ADARB2: variants seen among roughly 807,000 people sequenced by gnomAD.
The protein encoded by ADARB2 is inactive double-stranded RNA-specific editase B2.
A neutral mutation model predicts 62.2 loss-of-function variants in ADARB2; 25 were observed. The observed-to-expected ratio is 0.40, with a 90% CI of 0.29 to 0.56. The LOEUF (loss-of-function observed/expected upper bound fraction) is 0.56, where lower values mean the gene tolerates loss of function less well. Ranked by LOEUF, ADARB2 falls within the 20% of genes least tolerant of loss-of-function variation. ADARB2 has a pLI of 0.43. For missense variants in ADARB2, 1,071 were observed against 1,077.4 expected (o/e 0.99, Z 0.08); for synonymous variants, 572 against 500.8 (o/e 1.14, Z -1.90).
In ADARB2 at chr10:1,327,005, C is replaced by CCAGCGCCTCCCCACGGCA. The variant is rs1564258019; in HGVS notation, c.1077+36005_1077+36022dup. On this transcript the variant is annotated intron_variant, in intron 3 of 9. Coordinates refer to ENST00000381312, the MANE Select transcript of ADARB2 (RefSeq NM_018702.4). Reference sequence around the variant, plus strand: ...CCACGGCCCAGCGCCTCCCCACTGCCCAGCGCCTCCCCACGGCACAGCGCC... The same window carrying CCAGCGCCTCCCCACGGCA: ...CCACGGCCCAGCGCCTCCCCACTGCCCAGCGCCTCCCCACGGCACAGCGCCTCCCCACGGCACAGCGCC... 1.9e-3 allele frequency among the ~76,000 whole-genome samples: 10 copies of CCAGCGCCTCCCCACGGCA among 5,328 alleles called. 2 individuals are homozygous for CCAGCGCCTCCCCACGGCA. In the South Asian group the frequency reaches 0.025, roughly 14 times the overall value. The allele number at this position is 5,328 out of a possible 152,430, so 3.5% of individuals were successfully genotyped here. A position where few individuals can be genotyped will look rare whatever the true frequency, so the allele number is the denominator to read the frequency against.
intron 1 of ADARB2, among the ~76,000 whole-genome samples, chr10:1,595,150 G>T (rs2676186): frequency 0.11 from 16,516 of 152,248 alleles, 978 homozygotes; most frequent in East Asian, 0.17. Flanking sequence ...CATAGCCGAG[G>T]TTCCTCCGCA....
At chr10:1,335,877 C>T (rs12267630) in intron 3 of ADARB2, among the ~76,000 whole-genome samples, 355 of 152,282 alleles carry the variant, frequency 2.3e-3, no homozygotes, top group African/African-American at 7.7e-3. Context: ...GTTACAGACC[C>T]GCTGCAATCC....
rs1432310126 is a variant in ADARB2 at position 1,695,719 on chromosome 10, T to C, written c.100+41332A>G. On this transcript the variant is annotated intron_variant, in intron 1 of 9. Transcript: ENST00000381312. ...GTGTGCATGTATGCAAACATACATG[T>C]ATGTGAGACCATGCATGTGTATGTA... 5.3e-5 allele frequency among the ~76,000 whole-genome samples: 8 copies of C among 152,044 alleles called. No homozygotes were observed. In the South Asian group the frequency reaches 8.3e-4, roughly 16 times the overall value.
intron 6 of ADARB2, among the ~76,000 whole-genome samples, chr10:1,228,051 A>C (rs904618136): frequency 5.3e-5 from 8 of 152,240 alleles, no homozygotes; most frequent in Admixed American, 6.5e-5. Flanking sequence ...AATCTGAAGC[A>C]GGAATTTAAG....
chr10:1,641,964 G>C (rs1268405574), intron 1 of ADARB2, among the ~76,000 whole-genome samples: 1 of 152,138 alleles, frequency 6.6e-6, no homozygotes, highest in Admixed American at 6.5e-5. Context: ...AGTGAGCCGA[G>C]ATGGTGCCAC....
chr10:1,429,498 A>G (rs1386264251), intron 1 of ADARB2, among the ~76,000 whole-genome samples: 1 of 152,248 alleles, frequency 6.6e-6, no homozygotes, highest in East Asian at 1.9e-4. Flanking sequence ...ATTAGCCTAT[A>G]GATTTGGGCC....
chr10:1,179,209 C>A lies in ADARB2; in HGVS notation c.*3984G>T, dbSNP rs199703770. The A allele has an allele frequency of 2.8e-3, 409 of 145,724 alleles. 1 individual carries two copies. The highest frequency in any genetic ancestry group is 9.1e-3 in the African/African-American group (364 of 40,170). 9.0% of individuals were successfully genotyped at this position (145,724 alleles called of 1,614,324 possible). A position where few individuals can be genotyped will look rare whatever the true frequency, so the allele number is the denominator to read the frequency against. On this transcript the variant is annotated 3_prime_UTR_variant, in exon 10 of 10. Transcript: ENST00000381312. ...CTCCAGACGTGATAAACATTATATC[C>A]AAAAAAAAAAGCATGCGACTTTGTT...
At chr10:1,272,545 G>A (rs549674425) in intron 3 of ADARB2, among the ~76,000 whole-genome samples, 20 of 152,304 alleles carry the variant, frequency 1.3e-4, no homozygotes, top group Admixed American at 4.6e-4. Context: ...TGCTCACCCC[G>A]GGGTTTGAGG....
At position 1,557,084 on chromosome 10, in the gene ADARB2, A is replaced by G. The variant is rs760847573; in HGVS notation, c.101-177924T>C. On this transcript the variant is annotated intron_variant, in intron 1 of 9. Transcript: ENST00000381312. ...CTCAGTTTAAGCATCCCACTGTCCG[A>G]GGGTACCTCTTTCCTTCCATTGCCT... 5.8e-4 allele frequency: 202 copies of G among 349,158 alleles called. 1 individual carries two copies. The highest frequency in any genetic ancestry group is 1.0e-3 in the South Asian group (47 of 45,822). 21.6% of individuals were successfully genotyped at this position (349,158 alleles called of 1,614,324 possible). A position where few individuals can be genotyped will look rare whatever the true frequency, so the allele number is the denominator to read the frequency against.
intron 6 of ADARB2, among the ~76,000 whole-genome samples, chr10:1,233,173 G>A (rs527965110): frequency 3.2e-4 from 48 of 152,168 alleles, no homozygotes; most frequent in Non-Finnish European, 6.5e-4. Context: ...AGGGGCAGGG[G>A]CTGCGTGGAT....
intron 3 of ADARB2, among the ~76,000 whole-genome samples, chr10:1,304,244 C>G (rs926971981): frequency 2.6e-5 from 4 of 151,784 alleles, no homozygotes; most frequent in African/African-American, 9.7e-5. Context: ...GATAAAACAG[C>G]CTTTAAACCA....
intron 1 of ADARB2, among the ~76,000 whole-genome samples, chr10:1,687,029 C>CT (rs397952487): frequency 0.1 from 13,425 of 128,922 alleles, 1,047 homozygotes; most frequent in Non-Finnish European, 0.12. Context: ...ATGACATTGC[C>CT]TTTTTTTTTT....
At chr10:1,465,103 C>T (rs11250543) in intron 1 of ADARB2, among the ~76,000 whole-genome samples, 6,866 of 152,320 alleles carry the variant, frequency 0.045, 187 homozygotes, top group Non-Finnish European at 0.071. Flanking sequence ...ACTCAAGACA[C>T]GTCCTGCTCG....
At chr10:1,270,822 G>A (rs1379674136) in intron 4 of ADARB2, 133 bp downstream of exon 4, 18 of 751,024 alleles carry the variant, frequency 2.4e-5, no homozygotes, top group African/African-American at 2.3e-4. Flanking sequence ...CTCTGTATAT[G>A]CTATAATATT....
At chr10:1,474,438 C>T (rs1368342880) in intron 1 of ADARB2, among the ~76,000 whole-genome samples, 1 of 152,184 alleles carries the variant, frequency 6.6e-6, no homozygotes, top group Non-Finnish European at 1.5e-5. Context: ...TTCAGAAAGA[C>T]TGATGGACAC....
At chr10:1,446,822 C>A (rs1219279950) in intron 1 of ADARB2, among the ~76,000 whole-genome samples, 1 of 152,170 alleles carries the variant, frequency 6.6e-6, no homozygotes, top group Non-Finnish European at 1.5e-5. Flanking sequence ...TGAACATATT[C>A]AACGATTTCT....
At chr10:1,186,024 G>C (rs1387032314) in intron 8 of ADARB2, among the ~76,000 whole-genome samples, 1 of 152,224 alleles carries the variant, frequency 6.6e-6, no homozygotes, top group African/African-American at 2.4e-5. Flanking sequence ...GGAAACTCCA[G>C]GGGGCACCTG....
At chr10:1,324,481 G>A (rs941622726) in intron 3 of ADARB2, among the ~76,000 whole-genome samples, 18 of 152,306 alleles carry the variant, frequency 1.2e-4, no homozygotes, top group African/African-American at 4.3e-4. Flanking sequence ...ACTGGAATCC[G>A]CCCAGATGTT....
intron 1 of ADARB2, among the ~76,000 whole-genome samples, chr10:1,605,832 C>T (rs568972359): frequency 1.7e-4 from 26 of 152,180 alleles, no homozygotes; most frequent in Admixed American, 1.2e-3. Context: ...ACTTAGAGAA[C>T]GTTAAGAGGA....
Sources: gnomAD v4.1 joint callset for allele counts (sites outside exome capture counted in the v4.1 genomes callset) on GRCh38, gnomAD v4.1.1 for gene constraint, MANE v1.5 for transcripts, NCBI Gene and HGNC (gene_info 2026-07-23, HGNC 2026-07-21) for gene names.